Variants in NUP62CL observed in about 807,000 individuals in gnomAD.
NUP62CL encodes the protein nucleoporin 62 C-terminal like, also known as nucleoporin-62 C-terminal-like protein.
Under a neutral mutation model 15.3 loss-of-function variants are expected in NUP62CL, and 13 were observed. That is an observed-to-expected ratio of 0.85 (90% CI 0.55 to 1.35). The LOEUF is 1.35. NUP62CL is among the 40% of genes most tolerant of loss of function. The pLI is 0.00. For synonymous variants in NUP62CL, 54 were observed against 49.2 expected (o/e 1.10, Z -0.41); for missense variants, 123 against 130.6 (o/e 0.94, Z 0.28).
chrX:107,134,958 C>A (rs919484610), intron 8 of NUP62CL, among the ~76,000 whole-genome samples: 3 of 111,963 alleles, frequency 2.7e-5, no homozygotes, highest in African/African-American at 9.8e-5. Context: ...TCACCGCAAC[C>A]TCTGCCTCCC....
chrX:107,175,082 A>G lies in NUP62CL; in HGVS notation c.58+7T>C. The G allele has an allele frequency of 8.4e-7, 1 of 1,187,295 alleles. No individual in the cohort carries two copies. The highest frequency in any genetic ancestry group is 1.1e-6 in the Non-Finnish European group (1 of 874,799). ...TAACAGTATTTTCTTTAGAATTAGT[A>G]ACTTACATGAGAGCCCAATAGCAGC... is the stretch of plus-strand genomic sequence containing the variant. On this transcript the variant is annotated splice_region_variant and intron_variant, in intron 3 of 8. Transcript: ENST00000372466.
Position 107,153,233 on chromosome X carries a change from A to G in NUP62CL, c.469T>C (p.Ser157Pro). 1 of 1,206,958 alleles carries G rather than the reference A, an allele frequency of 8.3e-7. No homozygotes were observed. Among genetic ancestry groups the G allele is most frequent in the Non-Finnish European group, 1.1e-6 (1 of 891,821 alleles). ...TGAAGTCCACTCTGGTCACGCGTAG[A>G]CTCCTCTAAATAAGTCAACAGAAAT... Reference protein sequence around the residue: ...LEFLLTYLEESTRDQSGLHYL... With the variant: ...LEFLLTYLEEPTRDQSGLHYL... The change falls in exon 7 of 9, where the codon TCT becomes CCT. Residue 157 changes from serine to proline, a missense_variant. Coordinates refer to ENST00000372466, the MANE Select transcript of NUP62CL (RefSeq NM_017681.3).
At chrX:107,141,035 C>G (rs1925756090) in intron 8 of NUP62CL, among the ~76,000 whole-genome samples, 1 of 112,504 alleles carries the variant, frequency 8.9e-6, no homozygotes, top group African/African-American at 3.2e-5. Context: ...CATATTTCAT[C>G]TGGGGAGTCT....
chrX:107,204,808 TTTAAATAAATTATTTAAA>T (rs1927606490), intron 1 of NUP62CL, among the ~76,000 whole-genome samples: 1 of 85,948 alleles, frequency 1.2e-5, no homozygotes, highest in Admixed American at 1.3e-4. Flanking sequence ...TTAAATAAAT[TTTAAATAAATTATTTAAA>T]TAAATTTTAA....
chrX:107,176,498 T>C (rs916419428), intron 2 of NUP62CL, among the ~76,000 whole-genome samples: 23 of 109,820 alleles, frequency 2.1e-4, no homozygotes, highest in African/African-American at 7.6e-4. Flanking sequence ...GAAAGTATAT[T>C]AATGATTCCC....
intron 8 of NUP62CL, among the ~76,000 whole-genome samples, chrX:107,130,237 T>C (rs1925483555): frequency 9.0e-6 from 1 of 111,603 alleles, no homozygotes; most frequent in Non-Finnish European, 1.9e-5. Flanking sequence ...CATCTGATAT[T>C]TCAGTATTTT....
chrX:107,153,585 AC>A (rs1926101677), intron 5 of NUP62CL, 82 bp from the exon 6 acceptor site: 1 of 587,117 alleles, frequency 1.7e-6, no homozygotes. Flanking sequence ...TTTCTCAAAT[AC>A]ACTTCAAATA....
chrX:107,157,575 T>G (rs1238873190), intron 4 of NUP62CL, among the ~76,000 whole-genome samples: 5 of 108,069 alleles, frequency 4.6e-5, no homozygotes, highest in African/African-American at 1.4e-4. Flanking sequence ...GACAAGCAAG[T>G]GCTGAGAGAT....
chrX:107,154,002 C>G, intron 5 of NUP62CL, 94 bp downstream of exon 5: 6 of 883,987 alleles, frequency 6.8e-6, no homozygotes, highest in Non-Finnish European at 9.4e-6. Context: ...AAAACAACAA[C>G]AACAAAGAAA....
intron 8 of NUP62CL, among the ~76,000 whole-genome samples, chrX:107,146,062 ACTT>A (rs1244854745): frequency 1.8e-5 from 2 of 111,930 alleles, no homozygotes; most frequent in African/African-American, 6.5e-5. Flanking sequence ...GGTATTGTAT[ACTT>A]CTTATCATGT....
chrX:107,164,568 C>T (rs747049489), intron 4 of NUP62CL, among the ~76,000 whole-genome samples: 4 of 111,223 alleles, frequency 3.6e-5, no homozygotes, highest in Non-Finnish European at 7.6e-5. Context: ...CTTTGGGAAG[C>T]GATCGATAAA....
chrX:107,199,482 C>T (rs1004242163), intron 1 of NUP62CL, among the ~76,000 whole-genome samples: 119 of 112,293 alleles, frequency 1.1e-3, no homozygotes, highest in Non-Finnish European at 3.6e-4. Flanking sequence ...CATTCCCCTA[C>T]ATTTACTTTG....
At chrX:107,143,434 C>T (rs1925819495) in intron 8 of NUP62CL, among the ~76,000 whole-genome samples, 1 of 109,878 alleles carries the variant, frequency 9.1e-6, no homozygotes, top group African/African-American at 3.3e-5. Flanking sequence ...AGGCTGGTTT[C>T]GAATCCCTGG....
chrX:107,204,633 A>C (rs866034452), intron 1 of NUP62CL, among the ~76,000 whole-genome samples: 3 of 109,645 alleles, frequency 2.7e-5, no homozygotes, highest in Non-Finnish European at 5.7e-5. Context: ...CCTGGGTCCC[A>C]CTAGACCACA....
intron 1 of NUP62CL, among the ~76,000 whole-genome samples, chrX:107,204,789 AT>A: frequency 1.1e-5 from 1 of 88,514 alleles, no homozygotes; most frequent in East Asian, 3.6e-4. Context: ...TAAATTTTAA[AT>A]AAATTATTTA....
At chrX:107,202,957 G>A (rs1179083988) in intron 1 of NUP62CL, among the ~76,000 whole-genome samples, 15 of 94,541 alleles carry the variant, frequency 1.6e-4, no homozygotes, top group South Asian at 5.6e-4. Flanking sequence ...CAGCTGGGCC[G>A]ACAGAGCAGA....
chrX:107,189,864 AGGAAAAAGAAAGAAAAGAAAGAAAG>A (rs1300239276), intron 2 of NUP62CL, among the ~76,000 whole-genome samples: 6 of 83,349 alleles, frequency 7.2e-5, no homozygotes, highest in Non-Finnish European at 9.3e-5. Flanking sequence ...GAAGGAAGGA[AGGAAAAAGAAAGAAAAGAAAGAAAG>A]AAAGAAAGAA....
At chrX:107,191,804 C>T (rs1569366165) in intron 2 of NUP62CL, among the ~76,000 whole-genome samples, 1 of 112,158 alleles carries the variant, frequency 8.9e-6, no homozygotes, top group Non-Finnish European at 1.9e-5. Flanking sequence ...AAACAACACG[C>T]ATCTCTTTAA....
intron 2 of NUP62CL, among the ~76,000 whole-genome samples, chrX:107,189,878 A>AAGAAAGAAAGAAAGG (rs1476133023): frequency 5.0e-5 from 1 of 20,169 alleles, no homozygotes; most frequent in African/African-American, 1.9e-4. Flanking sequence ...AAAAGAAAGA[A>AAGAAAGAAAGAAAGG]AAGAAAGAAA....
Sources: allele counts gnomAD v4.1 joint callset (sites outside exome capture counted in the v4.1 genomes callset), GRCh38; gene constraint gnomAD v4.1.1; transcripts MANE v1.5; gene names NCBI Gene and HGNC (gene_info 2026-07-23, HGNC 2026-07-21).